ROBO2: variants seen among roughly 807,000 people sequenced by gnomAD.
The protein encoded by ROBO2 is roundabout homolog 2.
ROBO2 carries 53 observed loss-of-function variants against 160.8 expected under a neutral mutation model. The ratio of observed to expected loss-of-function variants is 0.33; its 90% CI spans 0.26 to 0.41. The LOEUF (loss-of-function observed/expected upper bound fraction) is 0.41. Ranked by LOEUF, ROBO2 falls within the 10% of genes least tolerant of loss-of-function variation. The probability of loss-of-function intolerance (pLI) is 1.00; values close to 1 mark genes in which losing one functional copy is unlikely to be tolerated. For missense variants in ROBO2, 1,577 were observed against 1,722.4 expected (o/e 0.92, Z 1.49); for synonymous variants, 664 against 611.7 (o/e 1.09, Z -1.26).
intron 2 of ROBO2, among the ~76,000 whole-genome samples, chr3:76,864,888 A>G (rs2071199258): frequency 6.6e-6 from 1 of 152,152 alleles, no homozygotes; most frequent in Admixed American, 6.5e-5. Flanking sequence ...ATGGCAAATG[A>G]CAAAATGTGG....
intron 2 of ROBO2, among the ~76,000 whole-genome samples, chr3:75,940,625 T>C (rs75840248): frequency 1.6e-4 from 24 of 152,276 alleles, no homozygotes; most frequent in Middle Eastern, 6.8e-3. Context: ...GAGAAAGATA[T>C]ATATGAATTT....
chr3:76,991,511 G>A (rs1414013218), intron 2 of ROBO2, among the ~76,000 whole-genome samples: 1 of 152,140 alleles, frequency 6.6e-6, no homozygotes, highest in Non-Finnish European at 1.5e-5. Context: ...TTGTGCAAGG[G>A]AGTTGTATAA....
intron 2 of ROBO2, among the ~76,000 whole-genome samples, chr3:77,169,271 AT>A (rs1376881415): frequency 1.3e-5 from 2 of 152,214 alleles, no homozygotes; most frequent in Admixed American, 1.3e-4. Context: ...TTATTTCTTA[AT>A]ATTTATAATT....
chr3:76,814,275 T>C (rs148993533), intron 2 of ROBO2, among the ~76,000 whole-genome samples: 176 of 152,246 alleles, frequency 1.2e-3, no homozygotes, highest in African/African-American at 4.0e-3. Context: ...TGAGTTCTAA[T>C]ATTGTGTCCA....
At chr3:76,448,112 C>T (rs1221696594) in intron 2 of ROBO2, among the ~76,000 whole-genome samples, 1 of 151,178 alleles carries the variant, frequency 6.6e-6, no homozygotes, top group Admixed American at 6.6e-5. Context: ...AACAAACAAA[C>T]AAAAATATTC....
At chr3:77,274,033 A>G (rs1164929116) in intron 2 of ROBO2, among the ~76,000 whole-genome samples, 1 of 152,134 alleles carries the variant, frequency 6.6e-6, no homozygotes, top group Non-Finnish European at 1.5e-5. Context: ...TTATTAATGA[A>G]GTTATTAATA....
At chr3:76,073,115 A>G (rs1290850830) in intron 2 of ROBO2, among the ~76,000 whole-genome samples, 1 of 152,120 alleles carries the variant, frequency 6.6e-6, no homozygotes, top group African/African-American at 2.4e-5. Flanking sequence ...CTGCTCTTGT[A>G]TCGTGGCTGA....
At chr3:77,125,698 C>T (rs2075254038) in intron 2 of ROBO2, among the ~76,000 whole-genome samples, 1 of 152,018 alleles carries the variant, frequency 6.6e-6, no homozygotes, top group Non-Finnish European at 1.5e-5. Context: ...TTTGCTTCAC[C>T]ATAATTATAA....
chr3:76,107,830 G>A (rs1434309010), intron 2 of ROBO2, among the ~76,000 whole-genome samples: 2 of 152,066 alleles, frequency 1.3e-5, no homozygotes, highest in East Asian at 3.9e-4. Context: ...GAATGAATTA[G>A]AAACTCAAAG....
intron 2 of ROBO2, among the ~76,000 whole-genome samples, chr3:77,202,750 T>G (rs369129621): frequency 1.3e-5 from 2 of 152,256 alleles, no homozygotes; most frequent in African/African-American, 4.8e-5. Context: ...TCTTCTTTAT[T>G]TCCTTCATTC....
At chr3:77,037,625 C>T (rs1476722188), upstream of ROBO2, among the ~76,000 whole-genome samples, 2 of 152,104 alleles carry the variant, frequency 1.3e-5, no homozygotes, top group Non-Finnish European at 2.9e-5. Flanking sequence ...TGGTGGTAGG[C>T]TGATCTCGCC....
chr3:77,153,784 A>C (rs2077734060), intron 2 of ROBO2, among the ~76,000 whole-genome samples: 1 of 152,132 alleles, frequency 6.6e-6, no homozygotes, highest in African/African-American at 2.4e-5. Context: ...ATGAAACTTG[A>C]TATGATTCAA....
At chr3:76,470,847 G>A (rs2078618117) in intron 2 of ROBO2, among the ~76,000 whole-genome samples, 1 of 151,802 alleles carries the variant, frequency 6.6e-6, no homozygotes, top group South Asian at 2.1e-4. Flanking sequence ...TCCTGCCTTT[G>A]CCTATACCTG....
At chr3:75,911,860 C>T (rs1378047000) in intron 1 of ROBO2, among the ~76,000 whole-genome samples, 1 of 152,064 alleles carries the variant, frequency 6.6e-6, no homozygotes, top group Non-Finnish European at 1.5e-5. Context: ...CCTGCCGAAG[C>T]CTTGTTTCTT....
At chr3:76,990,648 T>G (rs1044687236) in intron 2 of ROBO2, among the ~76,000 whole-genome samples, 1 of 152,050 alleles carries the variant, frequency 6.6e-6, no homozygotes, top group African/African-American at 2.4e-5. Context: ...TTGTTAACTA[T>G]CTCTCTAAAA....
chr3:76,751,026 C>A (rs1403265499), intron 2 of ROBO2, among the ~76,000 whole-genome samples: 2 of 152,026 alleles, frequency 1.3e-5, no homozygotes, highest in African/African-American at 2.4e-5. Context: ...GGAGGCATCA[C>A]GCTACCTGAC....
rs184764125 is a variant in ROBO2 at position 77,097,710 on chromosome 3, A to G, written c.62-304A>G. On this transcript the variant is annotated intron_variant, in intron 1 of 25. Coordinates refer to ENST00000461745, the Ensembl canonical transcript of ROBO2. ...TGAGGACAGGAAATTAGTCTTACTCATCTTAGTACCCATGCTGATCCCAGA... is the reference window on the plus strand; with the variant it reads ...TGAGGACAGGAAATTAGTCTTACTCGTCTTAGTACCCATGCTGATCCCAGA... Among the ~76,000 whole-genome samples, 621 of 152,174 alleles carry G rather than the reference A, an allele frequency of 4.1e-3. 4 individuals are homozygous for G. Among genetic ancestry groups the G allele is most frequent in the African/African-American group, 0.014 (584 of 41,532 alleles).
intron 2 of ROBO2, among the ~76,000 whole-genome samples, chr3:77,012,389 C>G (rs2061975280): frequency 6.6e-6 from 1 of 152,090 alleles, no homozygotes; most frequent in Non-Finnish European, 1.5e-5. Flanking sequence ...ATTAATTCCC[C>G]TGATAAAAAC....
intron 2 of ROBO2, among the ~76,000 whole-genome samples, chr3:76,702,727 T>A (rs971320906): frequency 2.0e-5 from 3 of 151,366 alleles, no homozygotes; most frequent in Non-Finnish European, 4.4e-5. Context: ...AAAGAGTCAA[T>A]GGAAGCAATA....
Sources: gnomAD v4.1 joint callset for allele counts (sites outside exome capture counted in the v4.1 genomes callset) on GRCh38, gnomAD v4.1.1 for gene constraint, MANE v1.5 for transcripts, NCBI Gene and HGNC (gene_info 2026-07-23, HGNC 2026-07-21) for gene names.